The following SLC5A3 variants were observed in gnomAD, a reference collection of about 807,000 sequenced individuals.
The protein encoded by SLC5A3 is sodium/myo-inositol cotransporter.
Under a neutral mutation model 43.2 loss-of-function variants are expected in SLC5A3, and 10 were observed. The observed-to-expected ratio is 0.23, with a 90% CI of 0.14 to 0.39. The LOEUF (loss-of-function observed/expected upper bound fraction) is 0.39. SLC5A3 is among the 10% of genes least tolerant of loss of function. The probability of loss-of-function intolerance (pLI) is 1.00; values close to 1 mark genes in which losing one functional copy is unlikely to be tolerated. For synonymous variants in SLC5A3, 349 were observed against 322.0 expected (o/e 1.08, Z -0.90); for missense variants, 608 against 893.4 (o/e 0.68, Z 4.07).
chr21:34,096,099 AT>A lies in SLC5A3; in HGVS notation c.902del (p.Met301ArgfsTer5), dbSNP rs1254023415. On this transcript the variant is annotated frameshift_variant, in exon 2 of 2. Transcript: ENST00000381151. LOFTEE classifies it high-confidence loss of function. The surrounding 1 kb of genome is among the most constrained non-coding windows in gnomAD (Gnocchi z 5.9). ...NIAHAKGSTL[M>X]AGFLKLLPMF... ...TGCTCATGCCAAAGGCTCTACTCTT[AT>A]GGCTGGCTTCTTAAAGCTCCTGCCA... 1.2e-6 allele frequency: 2 copies of A among 1,613,926 alleles called. No individual in the cohort carries two copies. The highest frequency in any genetic ancestry group is 1.7e-6 in the Non-Finnish European group (2 of 1,179,998).
rs569028619 is a variant in SLC5A3, at chr21:34,096,428, G to A, written c.1230G>A (p.Val410=). The A allele has an allele frequency of 6.2e-7, 1 of 1,614,218 alleles. No individual in the cohort carries two copies. The highest frequency in any genetic ancestry group is 2.2e-5 in the East Asian group (1 of 44,892). Residue 410 remains valine (V), a synonymous_variant, in exon 2 of 2, where the codon GTG becomes GTA. Coordinates refer to ENST00000381151, the MANE Select transcript of SLC5A3 (RefSeq NM_006933.7). The surrounding 1 kb of genome is among the most constrained non-coding windows in gnomAD (Gnocchi z 5.9). ...KSASSRELMI[V]GRIFVAFMVV... The stretch of plus-strand genomic sequence containing the variant: ...CAAGCTCCCGGGAGTTAATGATTGT[G>A]GGGAGGATATTTGTGGCATTTATGG...
At chr21:34,094,465 G>C (rs778597756) in intron 1 of SLC5A3, among the ~76,000 whole-genome samples, 36 of 152,138 alleles carry the variant, frequency 2.4e-4, no homozygotes, top group Non-Finnish European at 2.8e-4. Flanking sequence ...AGTATTTTAA[G>C]ATTTCATTTT....
Position 34,098,069 on chromosome 21 carries a change from T to C in SLC5A3, c.*714T>C, listed in dbSNP as rs1035840185. 14 of 999,160 alleles carry C rather than the reference T, an allele frequency of 1.4e-5. No homozygotes were observed. The African/African-American group carries it at 2.4e-4, about 17-fold the overall frequency. The allele number at this position is 999,160 out of a possible 1,614,324, so 61.9% of individuals were successfully genotyped here. A position where few individuals can be genotyped will look rare whatever the true frequency, so the allele number is the denominator to read the frequency against. ...CAACAAGTCTGCCTGTAAAGTTACA[T>C]GTCATGATTGTGTTGTTAAATGATT... On this transcript the variant is annotated 3_prime_UTR_variant, in exon 2 of 2. Transcript: ENST00000381151.
rs1979243664 is a variant in SLC5A3, at chr21:34,101,669, T to C, written c.*4314T>C. On this transcript the variant is annotated 3_prime_UTR_variant, in exon 2 of 2. Transcript: ENST00000381151. Reference sequence around the variant, plus strand: ...TCAGCTTAGTTCACTTTAAGGCATATTGGCATGGTGTGTGAAAGTGATGTT... The same window carrying C: ...TCAGCTTAGTTCACTTTAAGGCATACTGGCATGGTGTGTGAAAGTGATGTT... The C allele has an allele frequency of 1.2e-5, 12 of 1,000,070 alleles. No homozygotes were observed. The South Asian group carries it at 5.6e-4, about 47-fold the overall frequency. The allele number at this position is 1,000,070 out of a possible 1,614,324, so 61.9% of individuals were successfully genotyped here. A position where few individuals can be genotyped will look rare whatever the true frequency, so the allele number is the denominator to read the frequency against.
chr21:34,078,817 G>C (rs190885121), intron 1 of SLC5A3, among the ~76,000 whole-genome samples: 1 of 152,216 alleles, frequency 6.6e-6, no homozygotes, highest in Non-Finnish European at 1.5e-5. Context: ...AAAAGTTGTT[G>C]CAATTTGATT....
At chr21:34,076,112 G>A (rs889417005) in intron 1 of SLC5A3, among the ~76,000 whole-genome samples, 3 of 152,082 alleles carry the variant, frequency 2.0e-5, no homozygotes, top group Non-Finnish European at 2.9e-5. Flanking sequence ...TGGAATTGAG[G>A]AAAATGCTGT....
rs1326958501 is a variant in SLC5A3 at position 34,095,421 on chromosome 21, A to G, written c.223A>G (p.Ser75Gly). The change falls in exon 2 of 2, where the codon AGT (serine) becomes GGT (glycine). Residue 75 changes from serine to glycine, a missense_variant. By Grantham distance (56) the Ser-to-Gly change is moderately conservative. Around this residue, in one of 2 missense-constraint regions of SLC5A3, gnomAD observed 398 missense variants for 668.6 expected, o/e 0.60. Transcript: ENST00000381151. Reference protein sequence around the residue: ...FIGLAGSGAASGFAVGAWEFN... With the variant: ...FIGLAGSGAAGGFAVGAWEFN... ...TGGGCTGGCAGGATCTGGAGCTGCA[A>G]GTGGATTTGCAGTGGGCGCATGGGA... 4 of 1,614,152 alleles carry G rather than the reference A, an allele frequency of 2.5e-6. No individual in the cohort carries two copies. The Admixed American group carries it at 5.0e-5, about 20-fold the overall frequency.
intron 1 of SLC5A3, among the ~76,000 whole-genome samples, chr21:34,076,422 TG>T (rs1989332433): frequency 6.6e-6 from 1 of 152,116 alleles, no homozygotes; most frequent in African/African-American, 2.4e-5. Flanking sequence ...GATTTCAGAG[TG>T]TATTATGTAG....
In SLC5A3 at chr21:34,099,388, T is replaced by C. The variant is rs577694294; in HGVS notation, c.*2033T>C. On this transcript the variant is annotated 3_prime_UTR_variant, in exon 2 of 2. Coordinates refer to ENST00000381151, the MANE Select transcript of SLC5A3 (RefSeq NM_006933.7). ...GTCTGGACAAATGGTTGTCAATGTT[T>C]TGTCCTGTTTTTTCAAAGGAACTGT... The C allele has an allele frequency of 1.7e-5, 17 of 1,000,294 alleles. No homozygotes were observed. The Admixed American group carries it at 9.8e-4, about 58-fold the overall frequency. The allele number at this position is 1,000,294 out of a possible 1,614,324, so 62.0% of individuals were successfully genotyped here.
At position 34,096,912 on chromosome 21, in the gene SLC5A3, A is replaced by G; in HGVS notation, c.1714A>G (p.Ile572Val). 1 of 1,614,186 alleles carries G rather than the reference A, an allele frequency of 6.2e-7. No homozygotes were observed. Among genetic ancestry groups the G allele is most frequent in the Non-Finnish European group, 8.5e-7 (1 of 1,180,010 alleles). ...ACCATACAAAATGCAAGAAAAGAGC[A>G]TTCTGAGATGCAGTGAGAATAATGA... ...EEPYKMQEKS[I>V]LRCSENNETI... is the part of the protein sequence containing the mutation. The change falls in exon 2 of 2, where the codon ATT (isoleucine) becomes GTT (valine). Residue 572 changes from isoleucine (I) to valine (V), a missense_variant. Physicochemically the swap from Ile to Val is conservative, Grantham distance 29. Coordinates refer to ENST00000381151, the MANE Select transcript of SLC5A3 (RefSeq NM_006933.7). This position sits in a 1 kb window ranked among gnomAD's most constrained non-coding sequence, Gnocchi z 5.9.
rs1365572495 is a variant in SLC5A3 at position 34,073,755 on chromosome 21, C to T, written c.-337+10C>T. ...GAAAGCCATGCAGCGGGTAAGTGACCTTCCCTCAGAGCCGGTCTTCCCGCG... is the reference window on the plus strand; with the variant it reads ...GAAAGCCATGCAGCGGGTAAGTGACTTTCCCTCAGAGCCGGTCTTCCCGCG... On this transcript the variant is annotated intron_variant, in intron 1 of 1. Transcript: ENST00000381151. 1 of 1,516,974 alleles carries T rather than the reference C, an allele frequency of 6.6e-7. No individual in the cohort carries two copies. The highest frequency in any genetic ancestry group is 8.9e-7 in the Non-Finnish European group (1 of 1,127,186). The allele number at this position is 1,516,974 out of a possible 1,614,324, so 94.0% of individuals were successfully genotyped here.
Position 34,098,806 on chromosome 21 carries a change from T to C in SLC5A3, c.*1451T>C. 1.0e-6 allele frequency: 1 copy of C among 999,594 alleles called. No individual in the cohort carries two copies. The highest frequency in any genetic ancestry group is 1.2e-6 in the Non-Finnish European group (1 of 829,352). The allele number at this position is 999,594 out of a possible 1,614,324, so 61.9% of individuals were successfully genotyped here. On this transcript the variant is annotated 3_prime_UTR_variant, in exon 2 of 2. Coordinates refer to ENST00000381151, the MANE Select transcript of SLC5A3 (RefSeq NM_006933.7). ...GAGAAAAGCTCTACAGATTACGTAC[T>C]TCTGTGTCTTCGTATGCTCAACACT...
At position 34,094,882 on chromosome 21, in the gene SLC5A3, A is replaced by G. The variant is rs1046274598; in HGVS notation, c.-317A>G. ...TTGCAGGGTTGGTACAGTAGGCTTCACTAGACTTAGCTGCAACTCAGAATT... is the reference window on the plus strand; with the variant it reads ...TTGCAGGGTTGGTACAGTAGGCTTCGCTAGACTTAGCTGCAACTCAGAATT... On this transcript the variant is annotated 5_prime_UTR_variant, in exon 2 of 2. Transcript: ENST00000381151. 3.5e-6 allele frequency: 1 copy of G among 287,556 alleles called. No individual in the cohort carries two copies. The highest frequency in any genetic ancestry group is 6.4e-6 in the Non-Finnish European group (1 of 155,640). The allele number at this position is 287,556 out of a possible 1,614,324, so 17.8% of individuals were successfully genotyped here.
rs1287124491 is a variant in SLC5A3, at chr21:34,073,666, C to T, written c.-416C>T. The T allele has an allele frequency of 7.9e-6, 12 of 1,511,898 alleles. No homozygotes were observed. Among genetic ancestry groups the T allele is most frequent in the Admixed American group, 1.9e-5 (1 of 53,684 alleles). 93.7% of individuals were successfully genotyped at this position (1,511,898 alleles called of 1,614,324 possible). The stretch of plus-strand genomic sequence containing the variant: ...CGCCCCTTCGCGTCCCGGGAACCGG[C>T]TGGCTTCCGAGCCGCACTCGCCGAT... On this transcript the variant is annotated 5_prime_UTR_variant, in exon 1 of 2. Coordinates refer to ENST00000381151, the MANE Select transcript of SLC5A3 (RefSeq NM_006933.7).
In SLC5A3 at chr21:34,096,479, AATC is replaced by A; in HGVS notation, c.1285_1287del (p.Ile429del). On this transcript the variant is annotated inframe_deletion, in exon 2 of 2. Coordinates refer to ENST00000381151, the MANE Select transcript of SLC5A3 (RefSeq NM_006933.7). This position sits in a 1 kb window ranked among gnomAD's most constrained non-coding sequence, Gnocchi z 5.9. ...TGGTGATCAGCATAGCATGGGTGCC[AATC>A]ATCGTGGAGATGCAAGGAGGCCAGA... is the stretch of plus-strand genomic sequence containing the variant. The A allele has an allele frequency of 6.2e-7, 1 of 1,614,196 alleles. No homozygotes were observed. Among genetic ancestry groups the A allele is most frequent in the Non-Finnish European group, 8.5e-7 (1 of 1,180,018 alleles).
intron 1 of SLC5A3, among the ~76,000 whole-genome samples, chr21:34,075,566 A>G (rs144547336): frequency 1.2e-3 from 179 of 152,350 alleles, no homozygotes; most frequent in African/African-American, 3.9e-3. Context: ...AAAAAGCCCT[A>G]GAAAGTAGAT....
intron 1 of SLC5A3, 32 bp downstream of exon 1, chr21:34,073,777 C>G (rs200947048): frequency 2.2e-5 from 32 of 1,450,372 alleles, no homozygotes; most frequent in East Asian, 6.2e-5. Context: ...CCGGTCTTCC[C>G]GCGCGGGCGC....
At chr21:34,085,166 T>G (rs1978325460) in intron 1 of SLC5A3, among the ~76,000 whole-genome samples, 3 of 152,240 alleles carry the variant, frequency 2.0e-5, no homozygotes, top group Non-Finnish European at 4.4e-5. Context: ...CTTGAACAGT[T>G]CCAAAGCCTT....
rs1979249074 is a variant in SLC5A3, at chr21:34,101,810, C to T, written c.*4455C>T. On this transcript the variant is annotated 3_prime_UTR_variant, in exon 2 of 2. Transcript: ENST00000381151. ...TGTTAATTCTCAGGAATGATTTTCT[C>T]ACACTTTGTGTTGGCTAATAATAAA... 3 of 998,374 alleles carry T rather than the reference C, an allele frequency of 3.0e-6. No individual in the cohort carries two copies. The highest frequency in any genetic ancestry group is 3.6e-6 in the Non-Finnish European group (3 of 828,400). The allele number at this position is 998,374 out of a possible 1,614,324, so 61.8% of individuals were successfully genotyped here. A position where few individuals can be genotyped will look rare whatever the true frequency, so the allele number is the denominator to read the frequency against.
Sources: gnomAD v4.1 joint callset for allele counts (sites outside exome capture counted in the v4.1 genomes callset) on GRCh38, gnomAD v4.1.1 for gene constraint, gnomAD v4.1.1 regional missense constraint, Gnocchi (gnomAD v3.1) non-coding constraint, MANE v1.5 for transcripts, NCBI Gene and HGNC (gene_info 2026-07-23, HGNC 2026-07-21) for gene names.